The following NBAS variants were observed in gnomAD, a reference collection of about 807,000 sequenced individuals.
NBAS encodes the protein NBAS subunit of NRZ tethering complex, also known as NAG/BC035112 fusion.
A neutral mutation model predicts 302.5 loss-of-function variants in NBAS; 219 were observed. The ratio of observed to expected loss-of-function variants is 0.72; its 90% CI spans 0.65 to 0.81. The LOEUF is 0.81. Ranked by LOEUF, NBAS falls within the 30% of genes least tolerant of loss-of-function variation. The pLI, the probability that NBAS is intolerant of heterozygous loss-of-function variation, is 0.00. For missense variants in NBAS, 2,932 were observed against 2,841.6 expected, an observed-to-expected ratio of 1.03 and a Z score of -0.72; for synonymous variants, 1,118 against 1,021.6, an observed-to-expected ratio of 1.09 and a Z score of -1.80.
chr2:15,160,585 C>CGGGGGGG, the NBAS span, among the ~76,000 whole-genome samples: 4 of 92,294 alleles, frequency 4.3e-5, no homozygotes, highest in South Asian at 4.1e-4. Context: ...CCAGTGTGGG[C>CGGGGGGG]GGGGGGAGGG....
intron 1 of NBAS, among the ~76,000 whole-genome samples, chr2:15,560,790 G>A (rs1664874288): frequency 6.6e-6 from 1 of 152,084 alleles, no homozygotes; most frequent in Non-Finnish European, 1.5e-5. Flanking sequence ...GCCAGACCGC[G>A]AGAAGGGACC....
At chr2:15,034,043 G>A in the NBAS span, among the ~76,000 whole-genome samples, 98 of 74,066 alleles carry the variant, frequency 1.3e-3, 1 homozygote, top group East Asian at 3.8e-3. Context: ...GAGGAAGGAG[G>A]AGGAGGAGGA....
At chr2:15,224,865 A>C (rs1271358572) in intron 47 of NBAS, among the ~76,000 whole-genome samples, 1 of 152,176 alleles carries the variant, frequency 6.6e-6, no homozygotes, top group East Asian at 1.9e-4. Context: ...CACTTTCCTC[A>C]CTACATATGC....
At chr2:15,093,035 G>A in the NBAS span, among the ~76,000 whole-genome samples, 1 of 152,174 alleles carries the variant, frequency 6.6e-6, no homozygotes, top group African/African-American at 2.4e-5. Flanking sequence ...GGCACTAGCG[G>A]TTGTTCAAGG....
chr2:15,056,257 T>C, the NBAS span, among the ~76,000 whole-genome samples: 49 of 152,172 alleles, frequency 3.2e-4, 1 homozygote, highest in Non-Finnish European at 6.0e-4. Context: ...GATTAGATGA[T>C]AGGAAAGAAT....
the NBAS span, among the ~76,000 whole-genome samples, chr2:14,911,320 A>AC: frequency 1.3e-5 from 2 of 152,132 alleles, no homozygotes; most frequent in Non-Finnish European, 2.9e-5. Flanking sequence ...ACAAATTACT[A>AC]CCCCATTTAA....
the NBAS span, among the ~76,000 whole-genome samples, chr2:14,789,448 C>T: frequency 6.8e-4 from 103 of 152,240 alleles, no homozygotes; most frequent in South Asian, 2.1e-3. Context: ...AGCTGTAGAC[C>T]GGAGCTGTTC....
At chr2:15,504,754 A>G (rs1412816897) in intron 10 of NBAS, among the ~76,000 whole-genome samples, 1 of 152,190 alleles carries the variant, frequency 6.6e-6, no homozygotes, top group Non-Finnish European at 1.5e-5. Context: ...ACCCTCATAC[A>G]CTATTGATGG....
Position 15,539,279 on chromosome 2 carries a change from T to C in NBAS, c.457A>G (p.Thr153Ala). 6.2e-7 allele frequency: 1 copy of C among 1,614,246 alleles called. No individual in the cohort carries two copies. The highest frequency in any genetic ancestry group is 1.1e-5 in the South Asian group (1 of 91,090). The change falls in exon 7 of 52, where the codon ACA becomes GCA. Residue 153 changes from threonine to alanine, a missense_variant. Thr to Ala is a moderately conservative substitution (Grantham distance 58). Transcript: ENST00000281513. ...AGATCAAACACCCTCACAGTTCCTG[T>C]GCTTTCGGCATAGGCCAGTAGGGTA... ...DCTLLAYAESTGTVRVFDLMG... is the reference protein window; with the variant it reads ...DCTLLAYAESAGTVRVFDLMG...
intron 28 of NBAS, among the ~76,000 whole-genome samples, chr2:15,387,017 T>A (rs564046053): frequency 6.6e-6 from 1 of 152,130 alleles, no homozygotes; most frequent in Admixed American, 6.6e-5. Flanking sequence ...TCAAAATCCA[T>A]AATAAAATAT....
At chr2:15,303,440 A>G (rs7571382) in intron 40 of NBAS, among the ~76,000 whole-genome samples, 3,940 of 152,348 alleles carry the variant, frequency 0.026, 73 homozygotes, top group South Asian at 0.046. Flanking sequence ...CACACTTTCC[A>G]CCAAGTGGAA....
chr2:14,926,172 T>C, the NBAS span, among the ~76,000 whole-genome samples: 483 of 152,260 alleles, frequency 3.2e-3, 2 homozygotes, highest in African/African-American at 0.011. Flanking sequence ...AAGTTCCTTA[T>C]TGGTACAGGA....
At chr2:15,142,149 G>C in the NBAS span, among the ~76,000 whole-genome samples, 1 of 152,200 alleles carries the variant, frequency 6.6e-6, no homozygotes, top group Non-Finnish European at 1.5e-5. Flanking sequence ...CAGGAGGAGT[G>C]CATGTCAGAG....
At position 15,380,576 on chromosome 2, in the gene NBAS, CAA is replaced by C. The variant is rs547335166; in HGVS notation, c.3361-747_3361-746del. On this transcript the variant is annotated intron_variant, in intron 29 of 51. Coordinates refer to ENST00000281513, the MANE Select transcript of NBAS (RefSeq NM_015909.4). ...CATATTAAAAATTATTTAAATAAAA[CAA>C]GAGACACTGAAGGTATTCATACAAA... Among the ~76,000 whole-genome samples the C allele has an allele frequency of 2.1e-4, 19 of 90,590 alleles. No homozygotes were observed. In the East Asian group the frequency reaches 3.9e-3, roughly 19 times the overall value. The allele number at this position is 90,590 out of a possible 152,430, so 59.4% of individuals were successfully genotyped here. A position where few individuals can be genotyped will look rare whatever the true frequency, so the allele number is the denominator to read the frequency against.
At chr2:15,336,794 T>C (rs530187852) in intron 35 of NBAS, among the ~76,000 whole-genome samples, 8 of 152,296 alleles carry the variant, frequency 5.3e-5, no homozygotes, top group Admixed American at 3.9e-4. Context: ...AAAGATTTCA[T>C]GTCACATTTT....
chr2:14,903,572 A>AT, the NBAS span, among the ~76,000 whole-genome samples: 2 of 152,124 alleles, frequency 1.3e-5, no homozygotes, highest in Non-Finnish European at 2.9e-5. Context: ...AAAGAAAACA[A>AT]TAGGGGGTGG....
chr2:15,078,628 C>T, the NBAS span, among the ~76,000 whole-genome samples: 1 of 152,174 alleles, frequency 6.6e-6, no homozygotes, highest in African/African-American at 2.4e-5. Flanking sequence ...TATCTCTGAA[C>T]CTCCTGGATT....
intron 21 of NBAS, among the ~76,000 whole-genome samples, chr2:15,433,489 A>G (rs1677860647): frequency 6.6e-6 from 1 of 152,206 alleles, no homozygotes; most frequent in African/African-American, 2.4e-5. Flanking sequence ...TTTATGATAA[A>G]CAATAGCATC....
At position 15,478,258 on chromosome 2, in the gene NBAS, C is replaced by G; in HGVS notation, c.1115G>C (p.Arg372Thr). The G allele has an allele frequency of 1.2e-6, 2 of 1,611,602 alleles. No individual in the cohort carries two copies. The highest frequency in any genetic ancestry group is 1.7e-6 in the Non-Finnish European group (2 of 1,178,004). ...PGYDDLNPDWRLSTEKRKKIK... is the reference protein window; with the variant it reads ...PGYDDLNPDWTLSTEKRKKIK... ...TTTTTTTCTCTTCTCAGTAGAGAGC[C>G]TCCAATCAGGATTAAGGTCATCATA... Residue 372 changes from arginine to threonine, a missense_variant, in exon 13 of 52, where the codon AGG becomes ACG. Coordinates refer to ENST00000281513, the MANE Select transcript of NBAS (RefSeq NM_015909.4).
Sources: allele counts gnomAD v4.1 joint callset (sites outside exome capture counted in the v4.1 genomes callset), GRCh38; gene constraint gnomAD v4.1.1; transcripts MANE v1.5; gene names NCBI Gene and HGNC (gene_info 2026-07-23, HGNC 2026-07-21).